Variants in RIMBP2 observed in about 807,000 individuals in gnomAD.
RIMBP2 encodes the protein RIMS binding protein 2.
A neutral mutation model predicts 118.6 loss-of-function variants in RIMBP2; 48 were observed. That is an observed-to-expected ratio of 0.40 (90% confidence interval 0.32 to 0.51). The LOEUF is 0.51. Ranked by LOEUF, RIMBP2 falls within the 20% of genes least tolerant of loss-of-function variation. RIMBP2 has a pLI of 0.41. For missense variants in RIMBP2, 1,551 were observed against 1,768.3 expected (o/e 0.88, Z 2.20); for synonymous variants, 762 against 742.9 (o/e 1.03, Z -0.42).
chr12:130,416,056 C>T (rs548012173), intron 17 of RIMBP2, among the ~76,000 whole-genome samples: 22 of 152,082 alleles, frequency 1.4e-4, no homozygotes, highest in Non-Finnish European at 2.5e-4. Flanking sequence ...ACAAGGAGAA[C>T]GACAGAACAC....
In RIMBP2 at chr12:130,555,361, G is replaced by A. The variant is rs1256459246; in HGVS notation, c.-216-37444C>T. 4.6e-5 allele frequency among the ~76,000 whole-genome samples: 7 copies of A among 152,184 alleles called. No homozygotes were observed. The South Asian group carries it at 6.2e-4, about 14-fold the overall frequency. On this transcript the variant is annotated intron_variant, in intron 2 of 22. Coordinates refer to ENST00000690449, the MANE Select transcript of RIMBP2 (RefSeq NM_001393629.1). The stretch of plus-strand genomic sequence containing the variant: ...TGGCTCCTGGCTATGGCAGCAGTTA[G>A]TCAAAATGAGAAGCAGCGTGGGTCT...
At position 130,424,479 on chromosome 12, in the gene RIMBP2, C is replaced by A. The variant is rs926388761; in HGVS notation, c.2792G>T (p.Arg931Leu). 3.7e-5 allele frequency: 46 copies of A among 1,232,154 alleles called. No individual in the cohort carries two copies. The African/African-American group carries it at 6.7e-4, about 18-fold the overall frequency. The allele number at this position is 1,232,154 out of a possible 1,614,324, so 76.3% of individuals were successfully genotyped here. Residue 931 changes from arginine to leucine, a missense_variant, in exon 16 of 23, where the codon CGG becomes CTG. By Grantham distance (102) the Arg-to-Leu change is moderately radical. Coordinates refer to ENST00000690449, the MANE Select transcript of RIMBP2 (RefSeq NM_001393629.1). This position sits in a 1 kb window ranked among gnomAD's most constrained non-coding sequence, Gnocchi z 9.8. ...LDCGSEEDES[R>L]FGFGNTVAAC... ...GGCCACGGTGTTTCCGAAGCCAAAC[C>A]GCGACTCGTCCTCTTCACTCCCACA...
intron 14 of RIMBP2, 148 bp from the exon 15 acceptor site, chr12:130,428,485 C>G (rs2076938563): frequency 1.4e-6 from 1 of 737,252 alleles, no homozygotes; most frequent in South Asian, 2.1e-5. Context: ...GTTACTCGTT[C>G]TGGAAAGTGA....
intron 21 of RIMBP2, among the ~76,000 whole-genome samples, chr12:130,402,927 G>GTGTT (rs755035142): frequency 1.4e-4 from 22 of 152,336 alleles, no homozygotes; most frequent in Admixed American, 3.3e-4. Flanking sequence ...ACACGATGGG[G>GTGTT]TGTTAGAAGT....
Position 130,644,234 on chromosome 12 carries a change from C to T in RIMBP2, c.-351-15778G>A, listed in dbSNP as rs548023177. On this transcript the variant is annotated intron_variant, in intron 1 of 22. Transcript: ENST00000690449. ...GGCCTCGAACTCACTCACACACACACACTTGCTACAAGACTGGAAGGCAGA... is the reference window on the plus strand; with the variant it reads ...GGCCTCGAACTCACTCACACACACATACTTGCTACAAGACTGGAAGGCAGA... Among the ~76,000 whole-genome samples, 11 of 152,332 alleles carry T rather than the reference C, an allele frequency of 7.2e-5. No individual in the cohort carries two copies. The South Asian group carries it at 2.3e-3, about 32-fold the overall frequency.
At chr12:130,456,767 T>A in intron 6 of RIMBP2, 67 bp from the exon 7 acceptor site, 2 of 1,230,660 alleles carry the variant, frequency 1.6e-6, no homozygotes, top group Non-Finnish European at 2.3e-6. Flanking sequence ...TGTGCGCCTG[T>A]TCACATGTGT....
chr12:130,522,721 G>A (rs977418150), intron 2 of RIMBP2, among the ~76,000 whole-genome samples: 3 of 152,118 alleles, frequency 2.0e-5, no homozygotes, highest in African/African-American at 7.2e-5. Context: ...AGAGGAGGAG[G>A]AGGTGGGTTT....
At position 130,441,833 on chromosome 12, in the gene RIMBP2, G is replaced by A. The variant is rs775992765; in HGVS notation, c.1504+15C>T. 6.8e-6 allele frequency: 11 copies of A among 1,607,078 alleles called. No homozygotes were observed. The African/African-American group carries it at 1.5e-4, about 22-fold the overall frequency. On this transcript the variant is annotated intron_variant, in intron 11 of 22. Coordinates refer to ENST00000690449, the MANE Select transcript of RIMBP2 (RefSeq NM_001393629.1). ...TTCTCTCCCTGGGGGACCCACGGAA[G>A]GACACAGGGCTCACCTGCAGGCAAC...
In RIMBP2 at chr12:130,422,394, A is replaced by T; in HGVS notation, c.3238+59T>A. The stretch of plus-strand genomic sequence containing the variant: ...TAAAGTTTTGTTCATGCTTAGATGG[A>T]GTAAGCAGCCACATGCTCCGCGGCT... On this transcript the variant is annotated intron_variant, in intron 17 of 22. Coordinates refer to ENST00000690449, the MANE Select transcript of RIMBP2 (RefSeq NM_001393629.1). This position sits in a 1 kb window ranked among gnomAD's most constrained non-coding sequence, Gnocchi z 5.2. The T allele has an allele frequency of 8.2e-7, 1 of 1,212,796 alleles. No individual in the cohort carries two copies. The highest frequency in any genetic ancestry group is 1.2e-6 in the Non-Finnish European group (1 of 832,454). The allele number at this position is 1,212,796 out of a possible 1,614,324, so 75.1% of individuals were successfully genotyped here. A position where few individuals can be genotyped will look rare whatever the true frequency, so the allele number is the denominator to read the frequency against.
intron 1 of RIMBP2, among the ~76,000 whole-genome samples, chr12:130,689,805 A>G (rs551654843): frequency 6.6e-5 from 10 of 152,354 alleles, no homozygotes; most frequent in Non-Finnish European, 1.5e-4. Context: ...AAATGATCAC[A>G]GATGGCGGCT....
At chr12:130,554,544 G>A (rs574315557) in intron 2 of RIMBP2, among the ~76,000 whole-genome samples, 10 of 150,752 alleles carry the variant, frequency 6.6e-5, no homozygotes, top group African/African-American at 2.4e-4. Context: ...TTAGGCTTAC[G>A]AATACAGACT....
intron 2 of RIMBP2, among the ~76,000 whole-genome samples, chr12:130,550,391 T>TA (rs1318575142): frequency 6.6e-6 from 1 of 152,148 alleles, no homozygotes; most frequent in African/African-American, 2.4e-5. Context: ...ATTTGAATGG[T>TA]AAAAATGATC....
rs35990721 is a variant in RIMBP2 at position 130,523,537 on chromosome 12, C to T, written c.-216-5620G>A. Among the ~76,000 whole-genome samples, 2 of 152,174 alleles carry T rather than the reference C, an allele frequency of 1.3e-5. No individual in the cohort carries two copies. Among genetic ancestry groups the T allele is most frequent in the Non-Finnish European group, 2.9e-5 (2 of 68,016 alleles). ...GAAGAAACTGGGTCTTCTGAAGACACCCCCTTCCCCATCAGGAGCTCCAGT... is the reference window on the plus strand; with the variant it reads ...GAAGAAACTGGGTCTTCTGAAGACATCCCCTTCCCCATCAGGAGCTCCAGT... On this transcript the variant is annotated intron_variant, in intron 2 of 22. Coordinates refer to ENST00000690449, the MANE Select transcript of RIMBP2 (RefSeq NM_001393629.1). This position sits in a 1 kb window ranked among gnomAD's most constrained non-coding sequence, Gnocchi z 4.4.
At chr12:130,618,338 T>C (rs1446120583) in intron 2 of RIMBP2, among the ~76,000 whole-genome samples, 3 of 152,192 alleles carry the variant, frequency 2.0e-5, no homozygotes, top group African/African-American at 7.2e-5. Context: ...AATTAACCTT[T>C]TTTATAGACA....
At chr12:130,574,640 AG>A (rs1226404928) in intron 2 of RIMBP2, among the ~76,000 whole-genome samples, 4 of 152,110 alleles carry the variant, frequency 2.6e-5, no homozygotes, top group African/African-American at 9.7e-5. Context: ...AGCACATCAA[AG>A]TTCAAACGGC....
chr12:130,564,290 C>T (rs1301259665), intron 2 of RIMBP2, among the ~76,000 whole-genome samples: 6 of 151,046 alleles, frequency 4.0e-5, no homozygotes, highest in African/African-American at 7.3e-5. Flanking sequence ...TCAGATGTCC[C>T]CTTCCTCCTT....
chr12:130,579,718 C>A (rs2058333297), intron 2 of RIMBP2, among the ~76,000 whole-genome samples: 2 of 151,984 alleles, frequency 1.3e-5, no homozygotes, highest in African/African-American at 4.8e-5. Flanking sequence ...TGTACTAAGG[C>A]CTCACACTCG....
chr12:130,412,246 G>GC (rs34371342), intron 19 of RIMBP2, among the ~76,000 whole-genome samples: 2 of 152,094 alleles, frequency 1.3e-5, no homozygotes, highest in Non-Finnish European at 2.9e-5. Flanking sequence ...AGGCATAGCG[G>GC]CCCCCCAACC....
Position 130,436,961 on chromosome 12 carries a change from C to T in RIMBP2, c.1987G>A (p.Gly663Arg), listed in dbSNP as rs369769108. The T allele has an allele frequency of 4.1e-5, 66 of 1,606,668 alleles. No individual in the cohort carries two copies. The highest frequency in any genetic ancestry group is 5.5e-5 in the Non-Finnish European group (65 of 1,177,374). ...GHMLEPPVGPGRRSPSPSRIL... is the reference protein window; with the variant it reads ...GHMLEPPVGPRRRSPSPSRIL... ...CGGCTGGGTGAGGGCGACCGCCTTC[C>T]GGGGCCCACGGGCGGCTCCAGCATG... Residue 663 changes from glycine (G) to arginine (R), a missense_variant, in exon 13 of 23, where the codon GGA becomes AGA. This residue lies in a region of RIMBP2 where 1,038 missense variants were observed against 1,125.1 expected (regional missense o/e 0.92). Coordinates refer to ENST00000690449, the MANE Select transcript of RIMBP2 (RefSeq NM_001393629.1).
Sources: gnomAD v4.1 joint callset for allele counts (sites outside exome capture counted in the v4.1 genomes callset) on GRCh38, gnomAD v4.1.1 for gene constraint, gnomAD v4.1.1 regional missense constraint, Gnocchi (gnomAD v3.1) non-coding constraint, MANE v1.5 for transcripts, NCBI Gene and HGNC (gene_info 2026-07-23, HGNC 2026-07-21) for gene names.